VSTM5: variants seen among roughly 807,000 people sequenced by gnomAD.
The protein encoded by VSTM5 is V-set and transmembrane domain-containing protein 5.
Under a neutral mutation model 20.3 loss-of-function variants are expected in VSTM5, and 21 were observed. The observed-to-expected ratio is 1.03, with a 90% CI of 0.73 to 1.49. The LOEUF (loss-of-function observed/expected upper bound fraction) is 1.49, where lower values mean the gene tolerates loss of function less well. Ranked by LOEUF, VSTM5 falls within the 40% of genes most tolerant of loss-of-function variation. The probability of loss-of-function intolerance (pLI) is 0.00; values close to 1 mark genes in which losing one functional copy is unlikely to be tolerated. For missense variants in VSTM5, 219 were observed against 250.0 expected (o/e 0.88, Z 0.84); for synonymous variants, 100 against 102.5 (o/e 0.98, Z 0.14).
intron 1 of VSTM5, among the ~76,000 whole-genome samples, chr11:93,838,553 A>G (rs1944342868): frequency 6.9e-6 from 1 of 145,460 alleles, no homozygotes; most frequent in African/African-American, 2.5e-5. Flanking sequence ...GCACTTTGGG[A>G]GGCCGAGGTG....
rs778235747 is a variant in VSTM5 at position 93,850,431 on chromosome 11, G to A, written c.72C>T (p.Ala24=). The A allele has an allele frequency of 7.1e-6, 11 of 1,548,972 alleles. No homozygotes were observed. Among genetic ancestry groups the A allele is most frequent in the East Asian group, 4.9e-5 (2 of 40,790 alleles). ...GCTTACTCTGCAGACAGCGGGCTGC[G>A]GCCAGGCAGAGGGCGAAGAGTCCTA... ...ISLGLFALCL[A]AARCLQSQGV... The change falls in exon 1 of 4, where the codon GCC becomes GCT. Residue 24 remains alanine, a synonymous_variant. Transcript: ENST00000409977.
At chr11:93,830,936 T>A (rs1199429776) in intron 1 of VSTM5, among the ~76,000 whole-genome samples, 1 of 151,996 alleles carries the variant, frequency 6.6e-6, no homozygotes, top group Non-Finnish European at 1.5e-5. Flanking sequence ...TTTTATTTTT[T>A]TTGTAGAGAT....
chr11:93,831,327 A>G (rs969283065), intron 1 of VSTM5, among the ~76,000 whole-genome samples: 9 of 152,158 alleles, frequency 5.9e-5, no homozygotes, highest in Non-Finnish European at 7.3e-5. Flanking sequence ...TTTAAGCCAC[A>G]ACTAAAATAT....
intron 1 of VSTM5, among the ~76,000 whole-genome samples, chr11:93,825,264 G>A (rs780400139): frequency 1.3e-5 from 2 of 151,860 alleles, no homozygotes; most frequent in Non-Finnish European, 2.9e-5. Context: ...ACCTCCCTGG[G>A]GTTAAGGTGA....
chr11:93,846,401 C>A (rs984471750), intron 1 of VSTM5, among the ~76,000 whole-genome samples: 6 of 152,190 alleles, frequency 3.9e-5, no homozygotes, highest in African/African-American at 7.2e-5. Context: ...GCCCGCACCC[C>A]CAACAGCTTC....
At chr11:93,837,362 C>A (rs764523008) in intron 1 of VSTM5, among the ~76,000 whole-genome samples, 177 of 152,160 alleles carry the variant, frequency 1.2e-3, no homozygotes, top group Middle Eastern at 3.4e-3. Context: ...TCCGTCTAAA[C>A]ATCCCTGTAT....
intron 1 of VSTM5, among the ~76,000 whole-genome samples, chr11:93,846,834 T>G (rs1227733282): frequency 6.6e-6 from 1 of 150,464 alleles, no homozygotes; most frequent in African/African-American, 2.4e-5. Flanking sequence ...TGGCATGATC[T>G]CGGCTCACTG....
intron 1 of VSTM5, among the ~76,000 whole-genome samples, chr11:93,837,870 T>C (rs577058634): frequency 2.2e-4 from 33 of 151,908 alleles, no homozygotes; most frequent in Admixed American, 7.9e-4. Context: ...ATAAAACAGG[T>C]AAGCTGCTTC....
At chr11:93,820,919 A>T in intron 2 of VSTM5, 36 bp from the exon 3 acceptor site, 1 of 1,551,044 alleles carries the variant, frequency 6.4e-7, no homozygotes, top group Non-Finnish European at 8.7e-7. Context: ...GGAAGACAAC[A>T]TTTCTTTTAA....
In VSTM5 at chr11:93,840,669, C is replaced by T. The variant is rs1303229181; in HGVS notation, c.91+9743G>A. Among the ~76,000 whole-genome samples, 4 of 152,152 alleles carry T rather than the reference C, an allele frequency of 2.6e-5. No individual in the cohort carries two copies. The South Asian group carries it at 6.2e-4, about 24-fold the overall frequency. On this transcript the variant is annotated intron_variant, in intron 1 of 3. Transcript: ENST00000409977. ...GCAAAGTCATTCCATTTGCTCCCTCCACCCCCTTCAAAACTCTAACACAGT... is the reference window on the plus strand; with the variant it reads ...GCAAAGTCATTCCATTTGCTCCCTCTACCCCCTTCAAAACTCTAACACAGT...
intron 1 of VSTM5, among the ~76,000 whole-genome samples, chr11:93,835,136 T>A (rs1321538467): frequency 6.6e-6 from 1 of 152,008 alleles, no homozygotes; most frequent in Non-Finnish European, 1.5e-5. Flanking sequence ...AAGAAGTAAA[T>A]TCTTATGGCC....
At chr11:93,837,190 C>G (rs1008118690) in intron 1 of VSTM5, among the ~76,000 whole-genome samples, 3 of 152,082 alleles carry the variant, frequency 2.0e-5, no homozygotes, top group Non-Finnish European at 2.9e-5. Flanking sequence ...TGCCACCACA[C>G]CTGGCTAATT....
At position 93,820,375 on chromosome 11, in the gene VSTM5, G is replaced by T. The variant is rs1454285326; in HGVS notation, c.*194C>A. ...TCAATCACTCTTCTCCTTGAACTTA[G>T]CGCGAGTCCTAATACTAGCTTTGTC... is the stretch of plus-strand genomic sequence containing the variant. On this transcript the variant is annotated 3_prime_UTR_variant, in exon 4 of 4. Coordinates refer to ENST00000409977, the MANE Select transcript of VSTM5 (RefSeq NM_001144871.2). 1.6e-6 allele frequency: 1 copy of T among 612,046 alleles called. No homozygotes were observed. The highest frequency in any genetic ancestry group is 2.9e-6 in the Non-Finnish European group (1 of 350,084). 37.9% of individuals were successfully genotyped at this position (612,046 alleles called of 1,614,324 possible).
chr11:93,822,687 G>T (rs548704447), intron 1 of VSTM5, among the ~76,000 whole-genome samples: 2 of 149,964 alleles, frequency 1.3e-5, no homozygotes, highest in Admixed American at 6.6e-5. Flanking sequence ...ATGGGGTTTT[G>T]TCATGTTGGC....
chr11:93,837,231 C>T (rs1053115236), intron 1 of VSTM5, among the ~76,000 whole-genome samples: 1 of 152,108 alleles, frequency 6.6e-6, no homozygotes, highest in Admixed American at 6.5e-5. Flanking sequence ...AGGGTTTCAC[C>T]ATGTTGGCCA....
At chr11:93,821,486 C>G in intron 1 of VSTM5, 163 bp from the exon 2 acceptor site, 1 of 682,210 alleles carries the variant, frequency 1.5e-6, no homozygotes, top group Non-Finnish European at 2.4e-6. Flanking sequence ...GAACAAGACA[C>G]AAGGCTCCCT....
At chr11:93,840,917 G>A (rs1285096489) in intron 1 of VSTM5, among the ~76,000 whole-genome samples, 2 of 151,624 alleles carry the variant, frequency 1.3e-5, no homozygotes. Flanking sequence ...CCAAGGTCTG[G>A]GGCAGGGAAT....
chr11:93,821,427 A>G lies in VSTM5; in HGVS notation c.92-104T>C, dbSNP rs185922088. 2.9e-5 allele frequency: 32 copies of G among 1,088,898 alleles called. 1 individual carries two copies. Among genetic ancestry groups the G allele is most frequent in the African/African-American group, 2.8e-4 (18 of 63,306 alleles). The allele number at this position is 1,088,898 out of a possible 1,614,324, so 67.5% of individuals were successfully genotyped here. ...TTACACAAATATTTATTGTGTGCCT[A>G]TTATATGCCAGGAACTGTTCTAGGT... On this transcript the variant is annotated intron_variant, in intron 1 of 3. Transcript: ENST00000409977.
At chr11:93,840,529 T>C (rs1944362279) in intron 1 of VSTM5, among the ~76,000 whole-genome samples, 1 of 152,232 alleles carries the variant, frequency 6.6e-6, no homozygotes, top group African/African-American at 2.4e-5. Flanking sequence ...GGGACAGCTC[T>C]TTCAGGAAGA....
Sources: gnomAD v4.1 joint callset for allele counts (sites outside exome capture counted in the v4.1 genomes callset) on GRCh38, gnomAD v4.1.1 for gene constraint, MANE v1.5 for transcripts, NCBI Gene and HGNC (gene_info 2026-07-23, HGNC 2026-07-21) for gene names.